Variants in EYA2 observed in about 807,000 individuals in gnomAD.
The protein encoded by EYA2 is EYA transcriptional coactivator and phosphatase 2.
In EYA2, 31 loss-of-function variants were observed where a neutral mutation model predicts 69.2. The observed-to-expected ratio is 0.45, with a 90% CI of 0.34 to 0.60. The LOEUF is 0.60. EYA2 is among the 20% of genes least tolerant of loss of function. EYA2 has a pLI of 0.02. For synonymous variants in EYA2, 257 were observed against 279.4 expected, an observed-to-expected ratio of 0.92 and a Z score of 0.80; for missense variants, 622 against 701.2, an observed-to-expected ratio of 0.89 and a Z score of 1.28.
At chr20:47,167,816 T>G (rs2034233655) in intron 10 of EYA2, among the ~76,000 whole-genome samples, 1 of 152,058 alleles carries the variant, frequency 6.6e-6, no homozygotes, top group African/African-American at 2.4e-5. Context: ...TGATTGCCAT[T>G]TAAAGTAATA....
Position 46,940,695 on chromosome 20 carries a change from G to A in EYA2, c.-11+45708G>A, listed in dbSNP as rs766276738. Reference sequence around the variant, plus strand: ...GAGAGTGGCCAGGACCAAGCACAGCGCTCCGGGAGGGAAGGTGACAGGCCA... The same window carrying A: ...GAGAGTGGCCAGGACCAAGCACAGCACTCCGGGAGGGAAGGTGACAGGCCA... On this transcript the variant is annotated intron_variant, in intron 1 of 15. Transcript: ENST00000327619. 1.2e-4 allele frequency among the ~76,000 whole-genome samples: 18 copies of A among 152,290 alleles called. No homozygotes were observed. The East Asian group carries it at 2.7e-3, about 23-fold the overall frequency.
intron 10 of EYA2, among the ~76,000 whole-genome samples, chr20:47,168,735 C>G (rs2034257244): frequency 6.6e-6 from 1 of 152,160 alleles, no homozygotes; most frequent in African/African-American, 2.4e-5. Flanking sequence ...AGGGGGAACA[C>G]CTTTAGCGAG....
intron 1 of EYA2, among the ~76,000 whole-genome samples, chr20:46,938,585 C>G (rs1427902822): frequency 6.6e-6 from 1 of 152,102 alleles, no homozygotes; most frequent in African/African-American, 2.4e-5. Context: ...CCACATAGGC[C>G]TCTTCATGGG....
intron 5 of EYA2, among the ~76,000 whole-genome samples, chr20:47,040,191 C>T (rs1984975132): frequency 6.6e-6 from 1 of 152,180 alleles, no homozygotes; most frequent in Non-Finnish European, 1.5e-5. Context: ...GGTGAGACTG[C>T]ACCCAGTAAG....
At chr20:47,039,419 A>T (rs1219980888) in intron 5 of EYA2, among the ~76,000 whole-genome samples, 2 of 152,222 alleles carry the variant, frequency 1.3e-5, no homozygotes, top group African/African-American at 4.8e-5. Flanking sequence ...CTACTTTCCT[A>T]TCACAAAGGC....
At chr20:47,084,848 T>C (rs1172645747) in intron 7 of EYA2, among the ~76,000 whole-genome samples, 2 of 150,846 alleles carry the variant, frequency 1.3e-5, no homozygotes, top group African/African-American at 4.9e-5. Flanking sequence ...TTTTTTTTTT[T>C]TTTTTGAGAC....
chr20:47,004,217 A>G (rs1319575384), intron 3 of EYA2, among the ~76,000 whole-genome samples: 2 of 152,336 alleles, frequency 1.3e-5, no homozygotes, highest in East Asian at 3.9e-4. Context: ...CATAAATGAA[A>G]TAATCAGGCC....
intron 1 of EYA2, among the ~76,000 whole-genome samples, chr20:46,914,138 T>G (rs979661453): frequency 6.6e-6 from 1 of 152,242 alleles, no homozygotes; most frequent in Non-Finnish European, 1.5e-5. Flanking sequence ...CCTAAAGAGC[T>G]GTCCAGCGGT....
At chr20:47,046,420 G>T (rs888441982) in intron 5 of EYA2, among the ~76,000 whole-genome samples, 19 of 152,198 alleles carry the variant, frequency 1.2e-4, no homozygotes, top group African/African-American at 3.6e-4. Context: ...CATGGCTAGT[G>T]GGGGAACCAG....
At chr20:46,958,581 G>A (rs1418211152) in intron 1 of EYA2, among the ~76,000 whole-genome samples, 1 of 152,096 alleles carries the variant, frequency 6.6e-6, no homozygotes, top group African/African-American at 2.4e-5. Context: ...TCAGGGGTAC[G>A]TGTGCAGGTT....
intron 5 of EYA2, among the ~76,000 whole-genome samples, chr20:47,048,146 G>A (rs2146429161): frequency 6.6e-6 from 1 of 152,316 alleles, no homozygotes; most frequent in East Asian, 1.9e-4. Context: ...CACGTTTGAA[G>A]AACCATTATT....
chr20:46,927,552 G>A (rs1050876356), intron 1 of EYA2, among the ~76,000 whole-genome samples: 3 of 152,128 alleles, frequency 2.0e-5, no homozygotes, highest in African/African-American at 7.2e-5. Context: ...ATCTTACATG[G>A]CGGCATGCAA....
chr20:46,946,004 G>T (rs1295971390), intron 1 of EYA2, among the ~76,000 whole-genome samples: 1 of 152,186 alleles, frequency 6.6e-6, no homozygotes, highest in Non-Finnish European at 1.5e-5. Context: ...ACCCAAGAGG[G>T]TCTGAAACCC....
At chr20:47,065,638 T>C (rs1023544826) in intron 5 of EYA2, among the ~76,000 whole-genome samples, 1 of 152,232 alleles carries the variant, frequency 6.6e-6, no homozygotes, top group African/African-American at 2.4e-5. Flanking sequence ...GCGTGATTTT[T>C]TTATTAGATT....
chr20:47,065,537 G>A (rs572968094), intron 5 of EYA2, among the ~76,000 whole-genome samples: 10 of 152,074 alleles, frequency 6.6e-5, no homozygotes, highest in African/African-American at 2.2e-4. Flanking sequence ...GGCGAAGGGT[G>A]GCAATAATGA....
intron 4 of EYA2, among the ~76,000 whole-genome samples, chr20:47,005,354 G>A (rs1458068436): frequency 6.6e-6 from 1 of 152,208 alleles, no homozygotes; most frequent in Non-Finnish European, 1.5e-5. Flanking sequence ...AGAGATCTGT[G>A]GATACAGCTG....
At chr20:47,104,148 T>A (rs1382949579) in intron 9 of EYA2, among the ~76,000 whole-genome samples, 1 of 152,202 alleles carries the variant, frequency 6.6e-6, no homozygotes, top group African/African-American at 2.4e-5. Context: ...TATGAAGTGG[T>A]ATCTCATTGT....
intron 1 of EYA2, among the ~76,000 whole-genome samples, chr20:46,957,567 ACACACACAC>A (rs559188277): frequency 6.6e-6 from 1 of 150,568 alleles, no homozygotes; most frequent in African/African-American, 2.5e-5. Context: ...ACACACACAC[ACACACACAC>A]ACGAAGACAA....
At chr20:47,183,268 C>T (rs1263821380) in intron 14 of EYA2, 23 bp from the exon 15 acceptor site, 1 of 1,609,106 alleles carries the variant, frequency 6.2e-7, no homozygotes, top group Admixed American at 1.7e-5. Flanking sequence ...AGCGTTTTTT[C>T]TTTCCTTCCT....
Sources: allele counts gnomAD v4.1 joint callset (sites outside exome capture counted in the v4.1 genomes callset), GRCh38; gene constraint gnomAD v4.1.1; transcripts MANE v1.5; gene names NCBI Gene and HGNC (gene_info 2026-07-23, HGNC 2026-07-21).